DIPK1A: variants seen among roughly 807,000 people sequenced by gnomAD.
DIPK1A encodes the protein family with sequence similarity 69 member A.
Under a neutral mutation model 40.8 loss-of-function variants are expected in DIPK1A, and 27 were observed. The observed-to-expected ratio is 0.66, with a 90% confidence interval of 0.49 to 0.91. The LOEUF (loss-of-function observed/expected upper bound fraction) is 0.91. DIPK1A is among the 40% of genes least tolerant of loss of function. DIPK1A has a pLI of 0.00. For synonymous variants in DIPK1A, 166 were observed against 171.3 expected (o/e 0.97, Z 0.24); for missense variants, 412 against 505.7 (o/e 0.81, Z 1.78).
intron 1 of DIPK1A, chr1:92,930,939 C>T (rs183829835): frequency 3.4e-4 from 52 of 152,298 alleles, no homozygotes; most frequent in Admixed American, 2.2e-3. Context: ...ACAAATATCA[C>T]TCCAATTGTT....
chr1:92,950,350 G>C (rs1299957812), intron 1 of DIPK1A, among the ~76,000 whole-genome samples: 1 of 152,140 alleles, frequency 6.6e-6, no homozygotes, highest in African/African-American at 2.4e-5. Context: ...GGCAGGAATG[G>C]AACGACAATA....
At chr1:92,959,208 C>T (rs1323484425) in intron 1 of DIPK1A, among the ~76,000 whole-genome samples, 1 of 152,000 alleles carries the variant, frequency 6.6e-6, no homozygotes, top group South Asian at 2.1e-4. Flanking sequence ...ATTACCTGAG[C>T]CTGGAAAGTC....
intron 1 of DIPK1A, among the ~76,000 whole-genome samples, chr1:92,916,766 A>G (rs569393071): frequency 1.1e-4 from 17 of 152,300 alleles, no homozygotes; most frequent in Admixed American, 1.1e-3. Context: ...AGGTTTCCTT[A>G]TTTCCTACAA....
At chr1:92,877,115 A>C in intron 1 of DIPK1A, 1 of 985,440 alleles carries the variant, frequency 1.0e-6, no homozygotes, top group Non-Finnish European at 1.2e-6. Context: ...TCAACTTGCA[A>C]AGTGTAAAGC....
rs1262828816 is a variant in DIPK1A, at chr1:92,847,376, G to A, written c.298-17C>T. 1.9e-6 allele frequency: 3 copies of A among 1,570,166 alleles called. No individual in the cohort carries two copies. Among genetic ancestry groups the A allele is most frequent in the South Asian group, 1.2e-5 (1 of 84,754 alleles). ...TAAATACATCTATGTAAAAAAGAGTGGCAAGTTATGTATTATACTGAGTAG... is the reference window on the plus strand; with the variant it reads ...TAAATACATCTATGTAAAAAAGAGTAGCAAGTTATGTATTATACTGAGTAG... On this transcript the variant is annotated splice_polypyrimidine_tract_variant and intron_variant, in intron 3 of 4. Coordinates refer to ENST00000370310, the MANE Select transcript of DIPK1A (RefSeq NM_001006605.5).
Position 92,893,829 on chromosome 1 carries a change from TA to T in DIPK1A, c.55-17400del, listed in dbSNP as rs1267267698. Among the ~76,000 whole-genome samples the T allele has an allele frequency of 2.4e-3, 352 of 143,692 alleles. 3 individuals are homozygous for T. The highest frequency in any genetic ancestry group is 8.6e-3 in the African/African-American group (336 of 38,872). The allele number at this position is 143,692 out of a possible 152,430, so 94.3% of individuals were successfully genotyped here. On this transcript the variant is annotated intron_variant, in intron 1 of 4. Coordinates refer to ENST00000370310, the MANE Select transcript of DIPK1A (RefSeq NM_001006605.5). Reference sequence around the variant, plus strand: ...GAAGATCTACCAAGCAAATGGAAAATAAAAAAAGGCAGGGGTTGCAATCCTA... The same window carrying T: ...GAAGATCTACCAAGCAAATGGAAAATAAAAAAGGCAGGGGTTGCAATCCTA...
At chr1:92,890,821 T>C (rs950302462) in intron 1 of DIPK1A, among the ~76,000 whole-genome samples, 1 of 152,216 alleles carries the variant, frequency 6.6e-6, no homozygotes, top group Non-Finnish European at 1.5e-5. Flanking sequence ...GAAGTAACAC[T>C]GGCATTATAG....
chr1:92,889,776 T>C (rs920232868), intron 1 of DIPK1A, among the ~76,000 whole-genome samples: 9 of 152,108 alleles, frequency 5.9e-5, no homozygotes, highest in Non-Finnish European at 1.0e-4. Flanking sequence ...GCCTCCCAAA[T>C]AGCTGAGACT....
intron 1 of DIPK1A, among the ~76,000 whole-genome samples, chr1:92,960,610 G>A (rs945631): frequency 0.041 from 6,245 of 152,244 alleles, 212 homozygotes; most frequent in Admixed American, 0.099. Context: ...AGGGTGGAAC[G>A]GGAAATCATG....
Position 92,844,486 on chromosome 1 carries a change from T to C in DIPK1A, c.475-291A>G, listed in dbSNP as rs186354244. ...GGCCCCTTAGATAGTTAACCAACAA[T>C]GTAATTATTCCTCATTCATACATTA... On this transcript the variant is annotated intron_variant, in intron 4 of 4. Transcript: ENST00000370310. 3.3e-4 allele frequency among the ~76,000 whole-genome samples: 51 copies of C among 152,344 alleles called. No individual in the cohort carries two copies. The East Asian group carries it at 9.1e-3, about 27-fold the overall frequency.
intron 3 of DIPK1A, among the ~76,000 whole-genome samples, chr1:92,849,669 C>T (rs1372254820): frequency 1.3e-5 from 2 of 152,118 alleles, no homozygotes; most frequent in Non-Finnish European, 2.9e-5. Context: ...TGTGCCACCA[C>T]ACCCGGCTAA....
rs560465994 is a variant in DIPK1A at position 92,931,244 on chromosome 1, G to A, written c.54+30132C>T. On this transcript the variant is annotated intron_variant, in intron 1 of 4. Coordinates refer to ENST00000370310, the MANE Select transcript of DIPK1A (RefSeq NM_001006605.5). ...AGTAGGTGGATGATACATAAACTGC[G>A]GTACATCAGACAATGGACAATTATT... is the stretch of plus-strand genomic sequence containing the variant. 1.8e-4 allele frequency: 29 copies of A among 156,818 alleles called. 1 individual carries two copies. The East Asian group carries it at 4.2e-3, about 23-fold the overall frequency. The allele number at this position is 156,818 out of a possible 1,614,324, so 9.7% of individuals were successfully genotyped here.
At position 92,910,345 on chromosome 1, in the gene DIPK1A, AG is replaced by A. The variant is rs1213846945; in HGVS notation, c.55-33916del. Among the ~76,000 whole-genome samples, 16 of 152,304 alleles carry A rather than the reference AG, an allele frequency of 1.1e-4. 1 individual carries two copies. The highest frequency in any genetic ancestry group is 1.0e-3 in the Admixed American group (16 of 15,290). ...TAACATTCTTTAATTGTACGTTGCC[AG>A]GATCCACCCCTAGACCTACTGAATC... On this transcript the variant is annotated intron_variant, in intron 1 of 4. Coordinates refer to ENST00000370310, the MANE Select transcript of DIPK1A (RefSeq NM_001006605.5).
At chr1:92,904,943 T>C (rs577533895) in intron 1 of DIPK1A, among the ~76,000 whole-genome samples, 2 of 152,208 alleles carry the variant, frequency 1.3e-5, no homozygotes, top group Non-Finnish European at 2.9e-5. Context: ...CTTAACATAA[T>C]GACCTCCAGT....
chr1:92,959,516 A>G (rs1651977138), intron 1 of DIPK1A, among the ~76,000 whole-genome samples: 1 of 144,170 alleles, frequency 6.9e-6, no homozygotes, highest in Admixed American at 7.2e-5. Flanking sequence ...CAGTGGCACG[A>G]TCACGGCTCA....
rs149374933 is a variant in DIPK1A, at chr1:92,912,429, T to G, written c.55-35999A>C. Among the ~76,000 whole-genome samples, 871 of 152,188 alleles carry G rather than the reference T, an allele frequency of 5.7e-3. 12 individuals are homozygous for G. The highest frequency in any genetic ancestry group is 5.5e-3 in the Non-Finnish European group (373 of 68,006). ...ATATAATATATATGCCAAACATTAA[T>G]GTAATTTTAAAAGAAGATCTCTCAT... is the stretch of plus-strand genomic sequence containing the variant. On this transcript the variant is annotated intron_variant, in intron 1 of 4. Coordinates refer to ENST00000370310, the MANE Select transcript of DIPK1A (RefSeq NM_001006605.5).
chr1:92,871,097 C>T (rs1571076485), intron 2 of DIPK1A, among the ~76,000 whole-genome samples: 1 of 152,272 alleles, frequency 6.6e-6, no homozygotes, highest in East Asian at 1.9e-4. Context: ...TTTATTTTTA[C>T]TTATCCTGCC....
intron 2 of DIPK1A, among the ~76,000 whole-genome samples, chr1:92,852,406 A>C (rs1182443465): frequency 6.6e-6 from 1 of 151,960 alleles, no homozygotes; most frequent in Non-Finnish European, 1.5e-5. Context: ...GCTGCGGTGG[A>C]AGAGTCGCTT....
At position 92,915,083 on chromosome 1, in the gene DIPK1A, C is replaced by CAA. The variant is rs10583235; in HGVS notation, c.55-38655_55-38654dup. ...AGCCTGGGTGACAGAGCAAGACTGT[C>CAA]AAAAAAAAAAAAAAAAAAAAAAAGG... On this transcript the variant is annotated intron_variant, in intron 1 of 4. Coordinates refer to ENST00000370310, the MANE Select transcript of DIPK1A (RefSeq NM_001006605.5). Among the ~76,000 whole-genome samples, 694 of 80,024 alleles carry CAA rather than the reference C, an allele frequency of 8.7e-3. 26 individuals are homozygous for CAA. The highest frequency in any genetic ancestry group is 0.035 in the African/African-American group (630 of 17,966). The allele number at this position is 80,024 out of a possible 152,430, so 52.5% of individuals were successfully genotyped here. A position where few individuals can be genotyped will look rare whatever the true frequency, so the allele number is the denominator to read the frequency against.
Sources: allele counts gnomAD v4.1 joint callset (sites outside exome capture counted in the v4.1 genomes callset), GRCh38; gene constraint gnomAD v4.1.1; transcripts MANE v1.5; gene names NCBI Gene and HGNC (gene_info 2026-07-23, HGNC 2026-07-21).